Variants in DIP2C observed in about 807,000 individuals in gnomAD.
DIP2C encodes DIP2 acetate--CoA ligase C (putative), also known as disco-interacting protein 2 homolog C.
A neutral mutation model predicts 192.4 loss-of-function variants in DIP2C; 33 were observed. The ratio of observed to expected loss-of-function variants is 0.17; its 90% CI spans 0.13 to 0.23. DIP2C has a LOEUF of 0.23. Ranked by LOEUF, DIP2C falls within the 10% of genes least tolerant of loss-of-function variation. The pLI, the probability that DIP2C is intolerant of heterozygous loss-of-function variation, is 1.00. For synonymous variants in DIP2C, 979 were observed against 864.1 expected (o/e 1.13, Z -2.33); for missense variants, 1,537 against 2,110.1 (o/e 0.73, Z 5.32).
intron 2 of DIP2C, among the ~76,000 whole-genome samples, chr10:481,565 C>T (rs1046154152): frequency 1.3e-5 from 2 of 152,222 alleles, no homozygotes; most frequent in African/African-American, 4.8e-5. Flanking sequence ...TGCTGAGGTA[C>T]ATGTTACCCT....
chr10:621,648 G>A (rs930968612), intron 1 of DIP2C, among the ~76,000 whole-genome samples: 1 of 152,144 alleles, frequency 6.6e-6, no homozygotes, highest in African/African-American at 2.4e-5. Flanking sequence ...GAGACCCCTC[G>A]TGTGATCCTG....
At chr10:595,811 T>A (rs1851668909) in intron 1 of DIP2C, among the ~76,000 whole-genome samples, 1 of 152,214 alleles carries the variant, frequency 6.6e-6, no homozygotes, top group Admixed American at 6.5e-5. Flanking sequence ...CCTTCGAAGC[T>A]CAAGCCCATG....
At chr10:422,713 C>G in intron 5 of DIP2C, 111 bp downstream of exon 5, 1 of 1,327,168 alleles carries the variant, frequency 7.5e-7, no homozygotes, top group Non-Finnish European at 1.0e-6. Flanking sequence ...GCCAGAGGAG[C>G]TCTGTGCTCT....
intron 1 of DIP2C, among the ~76,000 whole-genome samples, chr10:616,580 GC>G (rs1408983068): frequency 1.3e-5 from 2 of 152,136 alleles, no homozygotes; most frequent in Non-Finnish European, 2.9e-5. Context: ...ACAGCCCCTC[GC>G]CCAGCCAGGG....
chr10:560,382 TAAAA>T (rs549024762), intron 1 of DIP2C, among the ~76,000 whole-genome samples: 1 of 145,398 alleles, frequency 6.9e-6, no homozygotes, highest in Admixed American at 6.9e-5. Flanking sequence ...CACAACCATT[TAAAA>T]AAAAAAAGAA....
At chr10:559,277 C>T (rs183862615) in intron 1 of DIP2C, among the ~76,000 whole-genome samples, 53 of 152,076 alleles carry the variant, frequency 3.5e-4, no homozygotes, top group African/African-American at 1.3e-3. Flanking sequence ...GAGGGTCTAA[C>T]CAGGACAAGC....
intron 1 of DIP2C, among the ~76,000 whole-genome samples, chr10:550,778 A>C (rs956659564): frequency 6.6e-6 from 1 of 152,240 alleles, no homozygotes; most frequent in Non-Finnish European, 1.5e-5. Context: ...AGTTGCAATA[A>C]ACAAGCATCC....
intron 1 of DIP2C, among the ~76,000 whole-genome samples, chr10:514,735 G>A (rs1456607900): frequency 6.6e-6 from 1 of 152,098 alleles, no homozygotes; most frequent in Non-Finnish European, 1.5e-5. Context: ...CCTGCGTCCG[G>A]CTTGGAGGAT....
At chr10:392,767 TAAC>T (rs1963586438) in intron 10 of DIP2C, among the ~76,000 whole-genome samples, 1 of 149,664 alleles carries the variant, frequency 6.7e-6, no homozygotes, top group Admixed American at 6.6e-5. Context: ...CACACACACT[TAAC>T]ACTCTCACAC....
At chr10:685,261 G>A (rs1831290726) in intron 1 of DIP2C, among the ~76,000 whole-genome samples, 2 of 146,992 alleles carry the variant, frequency 1.4e-5, no homozygotes, top group Middle Eastern at 3.6e-3. Context: ...GCACGTGCGC[G>A]AGCCTTCACC....
At chr10:547,530 G>A (rs1848347536) in intron 1 of DIP2C, among the ~76,000 whole-genome samples, 1 of 152,202 alleles carries the variant, frequency 6.6e-6, no homozygotes, top group African/African-American at 2.4e-5. Flanking sequence ...GAGGTACCCA[G>A]CAGGGTTCAC....
rs1554893014 is a variant in DIP2C, at chr10:532,740, AGAGAGAGTATGGGTGTGT to A, written c.86-46228_86-46211del. On this transcript the variant is annotated intron_variant, in intron 1 of 36. Coordinates refer to ENST00000280886, the MANE Select transcript of DIP2C (RefSeq NM_014974.3). ...GGGTGTGAGAGAGAGTATGGGTGTG[AGAGAGAGTATGGGTGTGT>A]GAGAGAGTATGGGTGTGTGAGAGAG... Among the ~76,000 whole-genome samples the A allele has an allele frequency of 6.4e-3, 463 of 72,018 alleles. 7 individuals carry two copies. The highest frequency in any genetic ancestry group is 0.04 in the Middle Eastern group (5 of 124). The allele number at this position is 72,018 out of a possible 152,430, so 47.2% of individuals were successfully genotyped here.
chr10:606,245 C>G (rs565113239), intron 1 of DIP2C, among the ~76,000 whole-genome samples: 1 of 152,314 alleles, frequency 6.6e-6, no homozygotes, highest in South Asian at 2.1e-4. Context: ...ACCCACCCCC[C>G]CAGAGGACCA....
At chr10:623,054 T>C (rs1404849239) in intron 1 of DIP2C, among the ~76,000 whole-genome samples, 3 of 152,240 alleles carry the variant, frequency 2.0e-5, no homozygotes, top group Admixed American at 1.3e-4. Flanking sequence ...TGTTGGAATA[T>C]TCAGTGCACA....
chr10:527,197 T>A (rs1847103384), intron 1 of DIP2C, among the ~76,000 whole-genome samples: 1 of 152,224 alleles, frequency 6.6e-6, no homozygotes. Flanking sequence ...AGTGCGGCAG[T>A]GGGTGCATCT....
rs2131971402 is a variant in DIP2C at position 647,247 on chromosome 10, G to C, written c.85+42247C>G. On this transcript the variant is annotated intron_variant, in intron 1 of 36. Transcript: ENST00000280886. ...CAGTGGGAGAGAACAGAGGGAAACT[G>C]AGTCCACGTCCACATTGGACGGTGG... Among the ~76,000 whole-genome samples, 3 of 152,222 alleles carry C rather than the reference G, an allele frequency of 2.0e-5. No individual in the cohort carries two copies. The Middle Eastern group carries it at 0.01, about 518-fold the overall frequency.
In DIP2C at chr10:555,050, T is replaced by TA. The variant is rs566102391; in HGVS notation, c.86-68521dup. Among the ~76,000 whole-genome samples the TA allele has an allele frequency of 1.4e-3, 217 of 152,184 alleles. 2 individuals carry two copies. Among genetic ancestry groups the TA allele is most frequent in the Admixed American group, 1.6e-3 (24 of 15,276 alleles). On this transcript the variant is annotated intron_variant, in intron 1 of 36. Coordinates refer to ENST00000280886, the MANE Select transcript of DIP2C (RefSeq NM_014974.3). ...ACTGACCCCAAGTAATTTTTTCATT[T>TA]AAAAAAAATCATGTTTATCACAACT...
chr10:563,829 C>T (rs72774558), intron 1 of DIP2C, among the ~76,000 whole-genome samples: 3,227 of 152,276 alleles, frequency 0.021, 72 homozygotes, highest in Admixed American at 0.05. Context: ...GTTCAGACTA[C>T]TGGGCTATAC....
chr10:594,442 A>G lies in DIP2C; in HGVS notation c.85+95052T>C, dbSNP rs779619950. The stretch of plus-strand genomic sequence containing the variant: ...ATGGCCGAGTACAAACCATTTCAAC[A>G]TAAGGGAACATGGCCGAGTACAAAC... On this transcript the variant is annotated intron_variant, in intron 1 of 36. Coordinates refer to ENST00000280886, the MANE Select transcript of DIP2C (RefSeq NM_014974.3). Among the ~76,000 whole-genome samples the G allele has an allele frequency of 8.6e-3, 1,165 of 136,036 alleles. 38 individuals are homozygous for G. The highest frequency in any genetic ancestry group is 0.04 in the African/African-American group (1,091 of 27,392). The allele number at this position is 136,036 out of a possible 152,430, so 89.2% of individuals were successfully genotyped here.
Sources: allele counts gnomAD v4.1 joint callset (sites outside exome capture counted in the v4.1 genomes callset), GRCh38; gene constraint gnomAD v4.1.1; transcripts MANE v1.5; gene names NCBI Gene and HGNC (gene_info 2026-07-23, HGNC 2026-07-21).